The following NUDC variants were observed in gnomAD, a reference collection of about 807,000 sequenced individuals.
The protein encoded by NUDC is nuclear migration protein nudC.
NUDC carries 14 observed loss-of-function variants against 45.0 expected under a neutral mutation model. That is an observed-to-expected ratio of 0.31 (90% CI 0.21 to 0.49). NUDC has a LOEUF of 0.49. NUDC is among the 20% of genes least tolerant of loss of function. NUDC has a pLI of 0.99. For synonymous variants in NUDC, 153 were observed against 156.7 expected (o/e 0.98, Z 0.17); for missense variants, 323 against 426.2 (o/e 0.76, Z 2.13).
chr1:26,943,011 G>A lies in NUDC; in HGVS notation c.687G>A (p.Glu229=), dbSNP rs1298810898. Residue 229 remains glutamate (E), a synonymous_variant, in exon 6 of 9, where the codon GAG becomes GAA. Transcript: ENST00000321265. ...DGELYNEVKV[E]ESSWLIEDGK... ...AGCTCTACAATGAAGTGAAGGTGGA[G>A]GAGAGCTCGTGGCTCATTGAGGACG... is the stretch of plus-strand genomic sequence containing the variant. The A allele has an allele frequency of 6.2e-7, 1 of 1,614,184 alleles. No individual in the cohort carries two copies. The highest frequency in any genetic ancestry group is 8.5e-7 in the Non-Finnish European group (1 of 1,180,026).
At position 26,921,805 on chromosome 1, in the gene NUDC, G is replaced by A. The variant is rs2082093238; in HGVS notation, c.-44G>A. On this transcript the variant is annotated 5_prime_UTR_variant, in exon 1 of 9. Transcript: ENST00000321265. ...GACCCGCAGGAGCGTAGAGAGCGCG[G>A]GACTAGAGTGCAGAGCTCCGGGACG... 1.3e-6 allele frequency: 2 copies of A among 1,538,662 alleles called. No individual in the cohort carries two copies. The highest frequency in any genetic ancestry group is 2.0e-5 in the Admixed American group (1 of 50,980).
In NUDC at chr1:26,914,040, C is replaced by A. The variant is rs1557667880; in HGVS notation, c.93+2805C>A. On this transcript the variant is annotated intron_variant, in intron 3 of 6. Transcript: ENST00000435827. ...GAGTGGAACGGGGGGAATGGCCCAA[C>A]AACCTTGACTCCAGAAGTCATGTTC... The A allele has an allele frequency of 9.3e-6, 9 of 968,410 alleles. No homozygotes were observed. The East Asian group carries it at 2.0e-4, about 22-fold the overall frequency. 60.0% of individuals were successfully genotyped at this position (968,410 alleles called of 1,614,324 possible). A position where few individuals can be genotyped will look rare whatever the true frequency, so the allele number is the denominator to read the frequency against.
chr1:26,900,506 C>A, intron 1 of NUDC: 2 of 1,377,740 alleles, frequency 1.5e-6, no homozygotes, highest in Non-Finnish European at 1.0e-6. Context: ...AACGTTCCAG[C>A]CCCTGCGTTG....
intron 2 of NUDC, among the ~76,000 whole-genome samples, chr1:26,927,312 T>TGTGTGTGTGTGTGTG (rs1553163159): frequency 6.7e-6 from 1 of 149,240 alleles, no homozygotes; most frequent in Non-Finnish European, 1.5e-5. Context: ...TGTCAGGGTC[T>TGTGTGTGTGTGTGTG]TGCTCTGTTG....
At chr1:26,942,429 G>T (rs1369399868) in intron 4 of NUDC, among the ~76,000 whole-genome samples, 2 of 152,162 alleles carry the variant, frequency 1.3e-5, no homozygotes, top group Admixed American at 1.3e-4. Flanking sequence ...TTTGTCACAT[G>T]GTATAATATT....
chr1:26,908,122 T>C (rs2082010164), intron 2 of NUDC, among the ~76,000 whole-genome samples: 1 of 151,534 alleles, frequency 6.6e-6, no homozygotes. Context: ...GAGGTTGCAG[T>C]GAGCCGAGAT....
At position 26,942,668 on chromosome 1, in the gene NUDC, G is replaced by A. The variant is rs146993041; in HGVS notation, c.438G>A (p.Glu146=). ...SLDSPGKQDT[E]EDEEEDEKDK... is the part of the protein sequence containing the mutation. ...TCCCTGATTGTAAGCAGGATACTGA[G>A]GAAGATGAGGAGGAAGATGAGAAGG... Residue 146 remains glutamate, a synonymous_variant, in exon 5 of 9, where the codon GAG becomes GAA. Transcript: ENST00000321265. The A allele has an allele frequency of 5.4e-5, 87 of 1,613,964 alleles. No homozygotes were observed. The highest frequency in any genetic ancestry group is 2.2e-4 in the South Asian group (20 of 91,054).
chr1:26,937,176 G>A (rs1274318349), intron 2 of NUDC, among the ~76,000 whole-genome samples: 1 of 151,846 alleles, frequency 6.6e-6, no homozygotes, highest in East Asian at 1.9e-4. Flanking sequence ...ATGGGGGTGG[G>A]GCCTGGAGCC....
At chr1:26,913,327 A>G in intron 3 of NUDC, 1 of 1,236,234 alleles carries the variant, frequency 8.1e-7, no homozygotes, top group East Asian at 2.3e-5. Context: ...GAGATAACAG[A>G]TATCAAACCC....
chr1:26,925,493 A>G (rs1435102676), intron 2 of NUDC, among the ~76,000 whole-genome samples: 1 of 139,650 alleles, frequency 7.2e-6, no homozygotes, highest in Non-Finnish European at 1.5e-5. Context: ...GTGAGCCGAG[A>G]TCGCGCCATT....
rs187692917 is a variant in NUDC, at chr1:26,942,749, C to T, written c.519C>T (p.Arg173=). ...ACGGGGCAGACCTGCCCAATTACCG[C>T]TGGACCCAGACCCTGTCGGAGCTGG... ...LGNGADLPNY[R]WTQTLSELDL... Residue 173 remains arginine (R), a synonymous_variant, in exon 5 of 9, where the codon CGC becomes CGT. Coordinates refer to ENST00000321265, the MANE Select transcript of NUDC (RefSeq NM_006600.4). 27 of 1,614,236 alleles carry T rather than the reference C, an allele frequency of 1.7e-5. 1 individual carries two copies. The East Asian group carries it at 3.6e-4, about 21-fold the overall frequency.
intron 2 of NUDC, among the ~76,000 whole-genome samples, chr1:26,926,529 G>A (rs1043027925): frequency 6.6e-6 from 1 of 152,084 alleles, no homozygotes; most frequent in Non-Finnish European, 1.5e-5. Flanking sequence ...AAAACCTCAT[G>A]CCGCAAACTT....
chr1:26,903,065 T>A lies in NUDC; in HGVS notation c.-16+699T>A, dbSNP rs1050967512. Among the ~76,000 whole-genome samples, 6 of 151,422 alleles carry A rather than the reference T, an allele frequency of 4.0e-5. No individual in the cohort carries two copies. In the East Asian group the frequency reaches 1.2e-3, roughly 29 times the overall value. On this transcript the variant is annotated intron_variant, in intron 2 of 6. Coordinates refer to the NUDC transcript ENST00000435827. ...AGACTCTGTCTCAAAAAAAAAAAAA[T>A]TATAATAAAATCTCTCCTTACCAAG...
At chr1:26,913,310 A>G in intron 3 of NUDC, 1 of 1,050,776 alleles carries the variant, frequency 9.5e-7, no homozygotes, top group Non-Finnish European at 1.5e-6. Flanking sequence ...GAAAATGAGG[A>G]CCCAATGAGA....
At chr1:26,941,328 A>C (rs2082274280) in intron 2 of NUDC, 129 bp from the exon 3 acceptor site, 1 of 854,916 alleles carries the variant, frequency 1.2e-6, no homozygotes. Context: ...CATTTTGCAC[A>C]TGAGGAAACC....
intron 3 of NUDC, chr1:26,913,960 C>T: frequency 1.4e-6 from 2 of 1,445,112 alleles, no homozygotes; most frequent in Non-Finnish European, 1.8e-6. Flanking sequence ...TCTGCTCTCA[C>T]TTCCAGCTCT....
At chr1:26,932,677 G>T (rs772745488) in intron 2 of NUDC, among the ~76,000 whole-genome samples, 1 of 152,112 alleles carries the variant, frequency 6.6e-6, no homozygotes, top group Non-Finnish European at 1.5e-5. Flanking sequence ...CTTACACTAA[G>T]AAACATATTT....
At position 26,942,776 on chromosome 1, in the gene NUDC, C is replaced by T. The variant is rs201624714; in HGVS notation, c.546C>T (p.Asp182=). The T allele has an allele frequency of 5.8e-5, 93 of 1,614,096 alleles. No individual in the cohort carries two copies. The highest frequency in any genetic ancestry group is 5.7e-4 in the Admixed American group (34 of 60,010). ...GGACCCAGACCCTGTCGGAGCTGGACGTGAGTGTCAGGGACCAGAGGTAAA... is the reference window on the plus strand; with the variant it reads ...GGACCCAGACCCTGTCGGAGCTGGATGTGAGTGTCAGGGACCAGAGGTAAA... ...YRWTQTLSEL[D]LAVPFCVNFR... The change falls in exon 5 of 9, where the codon GAC becomes GAT. Residue 182 remains aspartate (D), a splice_region_variant and synonymous_variant. Transcript: ENST00000321265.
chr1:26,918,778 G>A (rs1234499657), upstream of NUDC, among the ~76,000 whole-genome samples: 1 of 150,836 alleles, frequency 6.6e-6, no homozygotes, highest in East Asian at 2.0e-4. Context: ...GTTTCACCAT[G>A]TTAGGCAGGC....
Sources: allele counts gnomAD v4.1 joint callset (sites outside exome capture counted in the v4.1 genomes callset), GRCh38; gene constraint gnomAD v4.1.1; transcripts MANE v1.5; gene names NCBI Gene and HGNC (gene_info 2026-07-23, HGNC 2026-07-21).